NAA11: variants seen among roughly 807,000 people sequenced by gnomAD.
The protein encoded by NAA11 is N-alpha-acetyltransferase 11.
Under a neutral mutation model 16.1 loss-of-function variants are expected in NAA11, and 15 were observed. The observed-to-expected ratio is 0.93, with a 90% CI of 0.62 to 1.44. NAA11 has a LOEUF of 1.44. NAA11 is among the 40% of genes most tolerant of loss of function. The pLI, the probability that NAA11 is intolerant of heterozygous loss-of-function variation, is 0.00. For synonymous variants in NAA11, 122 were observed against 112.4 expected (o/e 1.09, Z -0.54); for missense variants, 298 against 291.3 (o/e 1.02, Z -0.17).
At chr4:79,254,204 C>A (rs1722052948) in intron 2 of NAA11, among the ~76,000 whole-genome samples, 1 of 152,334 alleles carries the variant, frequency 6.6e-6, no homozygotes, top group Non-Finnish European at 1.5e-5. Flanking sequence ...GGAAGCATTT[C>A]TGTTTATCTA....
chr4:79,300,420 T>G (rs1723353109), intron 1 of NAA11, among the ~76,000 whole-genome samples: 1 of 152,080 alleles, frequency 6.6e-6, no homozygotes, highest in African/African-American at 2.4e-5. Flanking sequence ...GCTTCTTCCC[T>G]TCATATCTTA....
At chr4:79,189,834 G>T in the NAA11 span, among the ~76,000 whole-genome samples, 7 of 152,166 alleles carry the variant, frequency 4.6e-5, no homozygotes, top group African/African-American at 1.7e-4. Context: ...TGAAGACATA[G>T]AAAAGAGAAG....
chr4:79,234,010 C>G (rs1721518983), intron 2 of NAA11, among the ~76,000 whole-genome samples: 1 of 152,002 alleles, frequency 6.6e-6, no homozygotes, highest in Admixed American at 6.6e-5. Flanking sequence ...AAGCTGAAAC[C>G]AGTGCAGAAG....
chr4:79,198,829 A>C, the NAA11 span, among the ~76,000 whole-genome samples: 4 of 151,884 alleles, frequency 2.6e-5, no homozygotes, highest in Admixed American at 6.6e-5. Context: ...GAAATTTCCA[A>C]TTTTAATTCT....
the NAA11 span, among the ~76,000 whole-genome samples, chr4:79,206,055 A>G: frequency 6.6e-6 from 1 of 151,888 alleles, no homozygotes; most frequent in Non-Finnish European, 1.5e-5. Flanking sequence ...ATGCCTCTTC[A>G]TTCGTTCATT....
chr4:79,225,076 T>A (rs1053794358), downstream of NAA11, among the ~76,000 whole-genome samples: 4 of 151,736 alleles, frequency 2.6e-5, no homozygotes, highest in African/African-American at 9.7e-5. Flanking sequence ...GGAAAAAAAA[T>A]AAGGAAATCA....
At chr4:79,195,041 G>A in the NAA11 span, among the ~76,000 whole-genome samples, 3 of 152,054 alleles carry the variant, frequency 2.0e-5, no homozygotes, top group East Asian at 1.9e-4. Flanking sequence ...AAAGAAAAGT[G>A]TCCTATCTAA....
chr4:79,185,961 C>T, the NAA11 span, among the ~76,000 whole-genome samples: 2 of 152,060 alleles, frequency 1.3e-5, no homozygotes, highest in African/African-American at 4.8e-5. Context: ...CAACCACCGC[C>T]CCACATTGTG....
At chr4:79,195,182 G>T in the NAA11 span, among the ~76,000 whole-genome samples, 1 of 152,058 alleles carries the variant, frequency 6.6e-6, no homozygotes, top group Admixed American at 6.6e-5. Context: ...CCAGAGTTTG[G>T]ACTGTAACTA....
chr4:79,228,878 A>G (rs2109954106), intron 2 of NAA11, among the ~76,000 whole-genome samples: 1 of 152,158 alleles, frequency 6.6e-6, no homozygotes, highest in East Asian at 1.9e-4. Flanking sequence ...AAACATGTGA[A>G]AAACGACCAA....
intron 2 of NAA11, among the ~76,000 whole-genome samples, chr4:79,252,154 G>C (rs1722011831): frequency 6.6e-6 from 1 of 152,188 alleles, no homozygotes; most frequent in Non-Finnish European, 1.5e-5. Flanking sequence ...AACTGAGAGA[G>C]TGCAATGATA....
At chr4:79,202,622 T>TA in the NAA11 span, among the ~76,000 whole-genome samples, 13 of 55,698 alleles carry the variant, frequency 2.3e-4, no homozygotes, top group East Asian at 1.8e-3. Context: ...TATATATAGT[T>TA]TTATATATAT....
At chr4:79,312,972 T>G (rs966892591), downstream of NAA11, among the ~76,000 whole-genome samples, 25 of 152,358 alleles carry the variant, frequency 1.6e-4, no homozygotes, top group African/African-American at 5.3e-4. Context: ...TTGAGTCTTT[T>G]CTTTTCAAAT....
rs1246153837 is a variant in NAA11 at position 79,317,002 on chromosome 4, T to G, written c.*802A>C. Reference sequence around the variant, plus strand: ...GATAATACTACCTACTTTACAGGGTTGCTGAGAGGGTTAAATATGTAACTA... The same window carrying G: ...GATAATACTACCTACTTTACAGGGTGGCTGAGAGGGTTAAATATGTAACTA... On this transcript the variant is annotated 3_prime_UTR_variant, in exon 2 of 2. Coordinates refer to ENST00000286794, the MANE Select transcript of NAA11 (RefSeq NM_032693.3). 6.6e-6 allele frequency: 1 copy of G among 152,188 alleles called. No individual in the cohort carries two copies. The highest frequency in any genetic ancestry group is 1.5e-5 in the Non-Finnish European group (1 of 68,026). 9.4% of individuals were successfully genotyped at this position (152,188 alleles called of 1,614,324 possible).
chr4:79,187,892 G>A, the NAA11 span, among the ~76,000 whole-genome samples: 1 of 150,242 alleles, frequency 6.7e-6, no homozygotes, highest in Non-Finnish European at 1.5e-5. Context: ...CCAGCTACTC[G>A]GGAGGCTGAG....
chr4:79,283,475 A>T (rs937261331), intron 2 of NAA11, among the ~76,000 whole-genome samples: 1 of 152,128 alleles, frequency 6.6e-6, no homozygotes, highest in African/African-American at 2.4e-5. Context: ...CAGAGATTAC[A>T]GGTAGTGATG....
chr4:79,301,724 A>G (rs1723390217), intron 1 of NAA11, among the ~76,000 whole-genome samples: 1 of 152,234 alleles, frequency 6.6e-6, no homozygotes, highest in African/African-American at 2.4e-5. Context: ...GGCTCTAGCT[A>G]TACGAGGGAC....
the NAA11 span, among the ~76,000 whole-genome samples, chr4:79,202,406 C>A: frequency 6.7e-6 from 1 of 148,824 alleles, no homozygotes; most frequent in Non-Finnish European, 1.5e-5. Flanking sequence ...CATTGTTTAC[C>A]CTTCCCTGAG....
intron 2 of NAA11, among the ~76,000 whole-genome samples, chr4:79,263,990 C>T (rs1035428887): frequency 6.6e-6 from 1 of 152,106 alleles, no homozygotes; most frequent in Non-Finnish European, 1.5e-5. Flanking sequence ...TAAGCAATAC[C>T]CCCACCTCCA....
Sources: gnomAD v4.1 joint callset for allele counts (sites outside exome capture counted in the v4.1 genomes callset) on GRCh38, gnomAD v4.1.1 for gene constraint, MANE v1.5 for transcripts, NCBI Gene and HGNC (gene_info 2026-07-23, HGNC 2026-07-21) for gene names.